The following WDPCP variants were observed in gnomAD, a reference collection of about 807,000 sequenced individuals.
WDPCP encodes WD repeat-containing and planar cell polarity effector protein fritz homolog.
Under a neutral mutation model 93.1 loss-of-function variants are expected in WDPCP, and 71 were observed. The observed-to-expected ratio is 0.76, with a 90% CI of 0.63 to 0.93. The LOEUF is 0.93. Among genes scored for constraint, WDPCP ranks in the 40% least tolerant of loss-of-function variants. The pLI is 0.00. For missense variants in WDPCP, 844 were observed against 887.4 expected, an observed-to-expected ratio of 0.95 and a Z score of 0.62; for synonymous variants, 315 against 315.0, an observed-to-expected ratio of 1.00 and a Z score of 0.00.
intron 13 of WDPCP, among the ~76,000 whole-genome samples, chr2:63,288,415 G>A (rs940395166): frequency 4.6e-5 from 7 of 152,202 alleles, no homozygotes; most frequent in Non-Finnish European, 1.0e-4. Context: ...ATTAAAAGCA[G>A]CATTTCTGTG....
At chr2:63,430,867 C>A (rs1395236214) in intron 9 of WDPCP, among the ~76,000 whole-genome samples, 1 of 152,116 alleles carries the variant, frequency 6.6e-6, no homozygotes, top group Non-Finnish European at 1.5e-5. Context: ...GGTGACAGAG[C>A]GAGACTACGT....
At chr2:63,227,536 G>A (rs2104526102) in intron 14 of WDPCP, among the ~76,000 whole-genome samples, 1 of 152,064 alleles carries the variant, frequency 6.6e-6, no homozygotes, top group Non-Finnish European at 1.5e-5. Flanking sequence ...TCTGTAACAT[G>A]CAACATTATG....
chr2:63,333,723 A>G (rs1275446953), intron 12 of WDPCP, among the ~76,000 whole-genome samples: 1 of 152,170 alleles, frequency 6.6e-6, no homozygotes, highest in Non-Finnish European at 1.5e-5. Context: ...TTTAAGTCTC[A>G]TGCCTCCCTA....
intron 3 of WDPCP, among the ~76,000 whole-genome samples, chr2:63,594,076 T>C (rs936933103): frequency 2.0e-5 from 3 of 152,198 alleles, no homozygotes; most frequent in Non-Finnish European, 4.4e-5. Context: ...AATGGAAAGT[T>C]TTAGCCTCTT....
intron 2 of WDPCP, among the ~76,000 whole-genome samples, chr2:63,675,224 T>A (rs1038115706): frequency 6.6e-6 from 1 of 152,162 alleles, no homozygotes; most frequent in African/African-American, 2.4e-5. Flanking sequence ...ACATGCCTCC[T>A]TCATTGGGAC....
At chr2:63,460,591 A>T (rs770682546) in intron 6 of WDPCP, among the ~76,000 whole-genome samples, 2 of 152,180 alleles carry the variant, frequency 1.3e-5, no homozygotes, top group African/African-American at 2.4e-5. Context: ...TACCCCACAA[A>T]TATGTAAATT....
intron 2 of WDPCP, among the ~76,000 whole-genome samples, chr2:63,652,675 T>C (rs1427455778): frequency 6.6e-6 from 1 of 152,204 alleles, no homozygotes; most frequent in Non-Finnish European, 1.5e-5. Context: ...AACCTGAGGA[T>C]AAAAGGATTC....
chr2:63,384,797 A>G (rs1164655950), intron 10 of WDPCP, among the ~76,000 whole-genome samples: 1 of 151,988 alleles, frequency 6.6e-6, no homozygotes, highest in Non-Finnish European at 1.5e-5. Context: ...AACTCAAATT[A>G]TAAGAGAGAA....
At chr2:63,272,067 C>T (rs529667664) in intron 13 of WDPCP, among the ~76,000 whole-genome samples, 146 of 152,288 alleles carry the variant, frequency 9.6e-4, no homozygotes, top group Non-Finnish European at 1.8e-3. Flanking sequence ...CACCAGTGCC[C>T]GCATATGTCA....
intron 12 of WDPCP, among the ~76,000 whole-genome samples, chr2:63,362,150 T>C (rs999620015): frequency 6.6e-6 from 1 of 152,120 alleles, no homozygotes; most frequent in South Asian, 2.1e-4. Context: ...TACTGTACTA[T>C]TGAATAACAG....
intron 6 of WDPCP, chr2:63,442,460 T>G (rs1453990818): frequency 6.6e-6 from 1 of 152,168 alleles, no homozygotes; most frequent in East Asian, 1.9e-4. Context: ...ATCTAACCAA[T>G]GTATGCATGC....
At chr2:63,408,216 G>A (rs776580861) in intron 9 of WDPCP, among the ~76,000 whole-genome samples, 30 of 152,070 alleles carry the variant, frequency 2.0e-4, no homozygotes, top group African/African-American at 5.3e-4. Flanking sequence ...TGAAGGAAGC[G>A]GACTGCTCCT....
At chr2:63,597,484 C>T in intron 3 of WDPCP, 3 of 1,523,210 alleles carry the variant, frequency 2.0e-6, no homozygotes, top group Non-Finnish European at 2.7e-6. Context: ...GAAGGGAAGG[C>T]ATGGAGAGAA....
intron 1 of WDPCP, among the ~76,000 whole-genome samples, chr2:63,556,836 A>C (rs1706162497): frequency 6.6e-6 from 1 of 152,218 alleles, no homozygotes; most frequent in Non-Finnish European, 1.5e-5. Flanking sequence ...GAAACCCTAC[A>C]AGCCAGAAGA....
chr2:63,720,824 A>T (rs1392058934), intron 2 of WDPCP, among the ~76,000 whole-genome samples: 3 of 152,236 alleles, frequency 2.0e-5, no homozygotes, highest in Admixed American at 6.5e-5. Context: ...AGAACAAGGA[A>T]CTAAATATTA....
At chr2:63,238,182 T>C (rs1205399446) in intron 14 of WDPCP, among the ~76,000 whole-genome samples, 1 of 152,136 alleles carries the variant, frequency 6.6e-6, no homozygotes, top group Non-Finnish European at 1.5e-5. Flanking sequence ...AAGGTTATTT[T>C]TGTCTCAGAT....
At chr2:63,752,597 T>C (rs573624439) in intron 2 of WDPCP, 7 of 582,566 alleles carry the variant, frequency 1.2e-5, no homozygotes, top group African/African-American at 1.1e-4. Context: ...GAAGAGCTGC[T>C]CAGGCTCTTT....
intron 7 of WDPCP, chr2:63,437,920 T>G (rs370088255): frequency 6.4e-7 from 1 of 1,572,794 alleles, no homozygotes; most frequent in African/African-American, 1.4e-5. Flanking sequence ...ATCCTATGTT[T>G]ACATGATAGA....
chr2:63,453,292 C>T (rs947581440), intron 6 of WDPCP, among the ~76,000 whole-genome samples: 1 of 152,158 alleles, frequency 6.6e-6, no homozygotes, highest in African/African-American at 2.4e-5. Context: ...AGGATATGAA[C>T]CGACACTTCT....
Sources: allele counts gnomAD v4.1 joint callset (sites outside exome capture counted in the v4.1 genomes callset), GRCh38; gene constraint gnomAD v4.1.1; transcripts MANE v1.5; gene names NCBI Gene and HGNC (gene_info 2026-07-23, HGNC 2026-07-21).